The following TYW1B variants were observed in gnomAD, a reference collection of about 807,000 sequenced individuals.
TYW1B encodes the protein S-adenosyl-L-methionine-dependent tRNA 4-demethylwyosine synthase TYW1B.
Under a neutral mutation model 86.9 loss-of-function variants are expected in TYW1B, and 73 were observed. That is an observed-to-expected ratio of 0.84 (90% confidence interval 0.70 to 1.02). TYW1B has a LOEUF of 1.02. Among genes scored for constraint, TYW1B ranks in the 50% least tolerant of loss-of-function variants. The probability of loss-of-function intolerance (pLI) is 0.00; values close to 1 mark genes in which losing one functional copy is unlikely to be tolerated. For synonymous variants in TYW1B, 248 were observed against 292.8 expected (o/e 0.85, Z 1.56); for missense variants, 637 against 827.4 (o/e 0.77, Z 2.82).
intron 10 of TYW1B, among the ~76,000 whole-genome samples, chr7:72,695,176 C>T (rs1387229705): frequency 6.6e-6 from 1 of 152,192 alleles, no homozygotes; most frequent in African/African-American, 2.4e-5. Flanking sequence ...CTAACTTTCC[C>T]ACCCACACAC....
At chr7:72,698,419 A>AG (rs1814375984) in intron 10 of TYW1B, among the ~76,000 whole-genome samples, 1 of 152,042 alleles carries the variant, frequency 6.6e-6, no homozygotes, top group Non-Finnish European at 1.5e-5. Context: ...CTGAGGCAGG[A>AG]GGATCACCTG....
intron 13 of TYW1B, among the ~76,000 whole-genome samples, chr7:72,591,626 GCTGA>G: frequency 6.6e-6 from 1 of 152,212 alleles, no homozygotes; most frequent in East Asian, 1.9e-4. Flanking sequence ...ATAAACAAAA[GCTGA>G]GGTAGTTCAT....
At chr7:72,793,347 A>T (rs2129572324) in intron 6 of TYW1B, among the ~76,000 whole-genome samples, 1 of 152,198 alleles carries the variant, frequency 6.6e-6, no homozygotes, top group South Asian at 2.1e-4. Context: ...AAAAAAAAAT[A>T]AAAAATAAAA....
intron 4 of TYW1B, among the ~76,000 whole-genome samples, chr7:72,807,575 G>A (rs1312674150): frequency 6.6e-6 from 1 of 152,038 alleles, no homozygotes; most frequent in Non-Finnish European, 1.5e-5. Flanking sequence ...TAGATTTATT[G>A]TTTTAAACAA....
In TYW1B at chr7:72,739,486, A is replaced by G. The variant is rs1205876838; in HGVS notation, c.1082+4998T>C. Among the ~76,000 whole-genome samples, 10 of 151,862 alleles carry G rather than the reference A, an allele frequency of 6.6e-5. No homozygotes were observed. In the East Asian group the frequency reaches 1.9e-3, roughly 30 times the overall value. ...CAGGGCATGGTGGCACGCACCTGTA[A>G]TCCCAGCTATTCAGGAGGCTGAGGC... On this transcript the variant is annotated intron_variant, in intron 8 of 13. Transcript: ENST00000620995.
intron 6 of TYW1B, among the ~76,000 whole-genome samples, chr7:72,798,677 T>C (rs1183145276): frequency 6.6e-6 from 1 of 152,130 alleles, no homozygotes; most frequent in African/African-American, 2.4e-5. Context: ...ATATGTGATT[T>C]TGGTAAAAAC....
chr7:72,609,845 T>C (rs3015893), intron 13 of TYW1B, among the ~76,000 whole-genome samples: 151,784 of 152,260 alleles, frequency 1, 75,656 homozygotes, highest in Middle Eastern at 1. Context: ...GGAAAAGACG[T>C]GCCAGAAAAC....
At chr7:72,717,762 A>G (rs541707581) in intron 9 of TYW1B, among the ~76,000 whole-genome samples, 6 of 152,304 alleles carry the variant, frequency 3.9e-5, no homozygotes, top group Middle Eastern at 3.4e-3. Flanking sequence ...CATTACTAAT[A>G]ATCATTTGCA....
chr7:72,704,626 G>C (rs1363235637), intron 10 of TYW1B, among the ~76,000 whole-genome samples: 1 of 151,780 alleles, frequency 6.6e-6, no homozygotes, highest in Non-Finnish European at 1.5e-5. Flanking sequence ...CAAGTAATGG[G>C]TTTTGCCTTA....
intron 13 of TYW1B, among the ~76,000 whole-genome samples, chr7:72,603,707 G>A (rs782588413): frequency 1.3e-5 from 2 of 150,664 alleles, no homozygotes; most frequent in Admixed American, 6.7e-5. Context: ...GGCAGTAGGT[G>A]CGTGTCCTTG....
rs191270291 is a variant in TYW1B at position 72,615,361 on chromosome 7, T to C, written c.1785+1311A>G. Among the ~76,000 whole-genome samples the C allele has an allele frequency of 6.5e-3, 988 of 152,344 alleles. 8 individuals are homozygous for C. The highest frequency in any genetic ancestry group is 0.02 in the African/African-American group (848 of 41,580). On this transcript the variant is annotated intron_variant, in intron 13 of 13. Transcript: ENST00000620995. ...AATGGACTAGAGGGAGAGAAGGCTG[T>C]GATTCCAGTTTGACACAGCCATTTA...
intron 11 of TYW1B, among the ~76,000 whole-genome samples, chr7:72,682,956 G>A (rs34744954): frequency 2.6e-5 from 4 of 152,206 alleles, no homozygotes; most frequent in Non-Finnish European, 5.9e-5. Context: ...TTCTCACAGT[G>A]AATATACAGG....
At chr7:72,818,947 G>A (rs1445773325) in intron 2 of TYW1B, among the ~76,000 whole-genome samples, 8 of 152,138 alleles carry the variant, frequency 5.3e-5, no homozygotes, top group Non-Finnish European at 1.0e-4. Flanking sequence ...TGGGGACTAC[G>A]ATTCGACATC....
intron 10 of TYW1B, among the ~76,000 whole-genome samples, chr7:72,707,947 A>G (rs1814651673): frequency 6.6e-6 from 1 of 152,030 alleles, no homozygotes; most frequent in African/African-American, 2.4e-5. Flanking sequence ...TTCCCCCTTC[A>G]TTCTCTTCCT....
intron 6 of TYW1B, among the ~76,000 whole-genome samples, chr7:72,789,575 C>T (rs150392562): frequency 0.021 from 3,138 of 152,194 alleles, 128 homozygotes; most frequent in African/African-American, 0.072. Context: ...GAGAAAGATG[C>T]TAATTTTAAA....
intron 11 of TYW1B, among the ~76,000 whole-genome samples, chr7:72,686,324 T>C (rs1185326835): frequency 6.6e-6 from 1 of 152,166 alleles, no homozygotes; most frequent in Non-Finnish European, 1.5e-5. Context: ...TGTCCTTCAG[T>C]AGGTGAATAA....
At chr7:72,659,160 T>C (rs1813273003) in intron 11 of TYW1B, among the ~76,000 whole-genome samples, 1 of 152,136 alleles carries the variant, frequency 6.6e-6, no homozygotes, top group African/African-American at 2.4e-5. Context: ...AAAAATGACC[T>C]CCCACCCCCG....
intron 8 of TYW1B, among the ~76,000 whole-genome samples, chr7:72,735,632 G>C (rs1216027904): frequency 2.0e-5 from 3 of 151,360 alleles, no homozygotes; most frequent in Non-Finnish European, 4.4e-5. Context: ...GACTTTGGAA[G>C]GCCAAGGGAG....
At chr7:72,638,327 T>C (rs1307954643) in intron 11 of TYW1B, among the ~76,000 whole-genome samples, 8 of 152,208 alleles carry the variant, frequency 5.3e-5, no homozygotes, top group Admixed American at 6.6e-5. Flanking sequence ...AAATGGGTTG[T>C]TTGTCTGCAA....
Sources: gnomAD v4.1 joint callset for allele counts (sites outside exome capture counted in the v4.1 genomes callset) on GRCh38, gnomAD v4.1.1 for gene constraint, MANE v1.5 for transcripts, NCBI Gene and HGNC (gene_info 2026-07-23, HGNC 2026-07-21) for gene names.